Variants in ABCA4 observed in about 807,000 individuals in gnomAD.
ABCA4 encodes retinal-specific phospholipid-transporting ATPase ABCA4.
ABCA4 carries 196 observed loss-of-function variants against 263.7 expected under a neutral mutation model. The observed-to-expected ratio is 0.74, with a 90% CI of 0.66 to 0.84. ABCA4 has a LOEUF of 0.84. Among genes scored for constraint, ABCA4 ranks in the 40% least tolerant of loss-of-function variants. The pLI is 0.00. For synonymous variants in ABCA4, 1,133 were observed against 1,094.2 expected, an observed-to-expected ratio of 1.04 and a Z score of -0.70; for missense variants, 2,792 against 2,855.1, an observed-to-expected ratio of 0.98 and a Z score of 0.50.
chr1:94,098,477 G>A (rs1009492075), intron 6 of ABCA4, among the ~76,000 whole-genome samples: 1 of 152,194 alleles, frequency 6.6e-6, no homozygotes, highest in South Asian at 2.1e-4. Context: ...GAAATAGCAG[G>A]TCAGGGAGTC....
intron 19 of ABCA4, chr1:94,046,009 C>A (rs867558618): frequency 2.2e-6 from 1 of 451,978 alleles, no homozygotes; most frequent in Non-Finnish European, 4.5e-6. Flanking sequence ...CTGCCCTGAC[C>A]TTCTGTTACC....
Position 94,001,072 on chromosome 1 carries a change from G to A in ABCA4, c.6316C>T (p.Arg2106Cys), listed in dbSNP as rs61750648. Residue 2106 changes from arginine to cysteine, a missense_variant, in exon 46 of 50, where the codon CGC becomes TGC. By Grantham distance (180) the Arg-to-Cys change is radical (BLOSUM62 -3). Coordinates refer to ENST00000370225, the MANE Select transcript of ABCA4 (RefSeq NM_000350.3). ...ACGATGACGTTCCACAGCATGCGGC[G>A]TGCCTGGGGGTCCATCCCTGTGGTG... ...EPTTGMDPQA[R>C]RMLWNVIVSI... The A allele has an allele frequency of 9.9e-5, 159 of 1,614,108 alleles. No individual in the cohort carries two copies. Among genetic ancestry groups the A allele is most frequent in the African/African-American group, 7.7e-4 (58 of 75,042 alleles).
At chr1:94,078,747 A>T in intron 9 of ABCA4, 41 bp from the exon 10 acceptor site, 1 of 1,398,540 alleles carries the variant, frequency 7.2e-7, no homozygotes, top group Non-Finnish European at 1.0e-6. Context: ...ACGAACAGAG[A>T]GAAAAGTGAG....
At chr1:94,062,906 A>G (rs1041199415) in intron 12 of ABCA4, among the ~76,000 whole-genome samples, 153 bp from the exon 13 acceptor site, 2 of 152,136 alleles carry the variant, frequency 1.3e-5, no homozygotes, top group African/African-American at 4.8e-5. Flanking sequence ...CTCAGTTTAA[A>G]TCTCAGTTTT....
intron 6 of ABCA4, among the ~76,000 whole-genome samples, chr1:94,090,141 G>T (rs1254542721): frequency 6.6e-6 from 1 of 152,154 alleles, no homozygotes; most frequent in Non-Finnish European, 1.5e-5. Context: ...GCAGACATGG[G>T]AAAGATGTGC....
At chr1:94,063,914 C>T (rs1385356530) in intron 11 of ABCA4, among the ~76,000 whole-genome samples, 1 of 149,834 alleles carries the variant, frequency 6.7e-6, no homozygotes, top group Non-Finnish European at 1.5e-5. Context: ...CTATAATATG[C>T]CTCTTTTCTT....
chr1:94,047,306 G>C (rs1660712802), intron 18 of ABCA4, among the ~76,000 whole-genome samples: 1 of 152,204 alleles, frequency 6.6e-6, no homozygotes, highest in African/African-American at 2.4e-5. Flanking sequence ...TGCTTCGACT[G>C]CTTTACACAA....
chr1:94,028,571 C>A (rs948921876), intron 30 of ABCA4, among the ~76,000 whole-genome samples: 1 of 152,136 alleles, frequency 6.6e-6, no homozygotes. Context: ...ATGGTGAAAA[C>A]TAAAAAACCT....
At chr1:94,014,779 C>T (rs1431263203) in intron 37 of ABCA4, 89 bp from the exon 38 acceptor site, 1 of 1,538,968 alleles carries the variant, frequency 6.5e-7, no homozygotes, top group Non-Finnish European at 9.0e-7. Context: ...CCCCTTACAC[C>T]TGAGGTGATG....
chr1:94,070,853 C>T (rs908371212), intron 11 of ABCA4, among the ~76,000 whole-genome samples: 1 of 152,160 alleles, frequency 6.6e-6, no homozygotes, highest in African/African-American at 2.4e-5. Flanking sequence ...AAGGCCTTTA[C>T]CTTAACAGCA....
At chr1:94,016,998 T>A (rs1159170102) in intron 36 of ABCA4, among the ~76,000 whole-genome samples, 1 of 152,108 alleles carries the variant, frequency 6.6e-6, no homozygotes, top group Non-Finnish European at 1.5e-5. Context: ...AGAAGCCAGC[T>A]TCAACGGCCC....
chr1:94,037,291 CCA>C lies in ABCA4; in HGVS notation c.3665_3666del (p.Val1222GlyfsTer14), dbSNP rs755283743. Reference protein sequence around the residue: ...VLHHVPEAKLVECIGQELIFL... With the variant: ...VLHHVPEAKLXECIGQELIFL... ...AAGATAAGTTCTTGACCAATGCACT[CCA>C]CCAGCTTTGCCTCTGGAACATGGTG... On this transcript the variant is annotated frameshift_variant, in exon 25 of 50. Coordinates refer to ENST00000370225, the MANE Select transcript of ABCA4 (RefSeq NM_000350.3). LOFTEE classifies it high-confidence loss of function. The C allele has an allele frequency of 6.2e-7, 1 of 1,614,236 alleles. No homozygotes were observed. Among genetic ancestry groups the C allele is most frequent in the Admixed American group, 1.7e-5 (1 of 60,032 alleles).
chr1:94,078,555 C>A, intron 10 of ABCA4, 35 bp downstream of exon 10: 1 of 754,616 alleles, frequency 1.3e-6, no homozygotes, highest in East Asian at 3.4e-5. Context: ...CCGCTTCCTC[C>A]TCCCCTCCCC....
intron 11 of ABCA4, 119 bp downstream of exon 11, chr1:94,077,571 T>G (rs1367273991): frequency 1.5e-5 from 14 of 952,180 alleles, no homozygotes; most frequent in Non-Finnish European, 2.1e-5. Context: ...GGGATTCTTG[T>G]TTCTTCAGTG....
At chr1:94,017,945 T>C (rs1024653517) in intron 36 of ABCA4, among the ~76,000 whole-genome samples, 19 of 152,236 alleles carry the variant, frequency 1.2e-4, no homozygotes, top group Admixed American at 4.6e-4. Flanking sequence ...AATTGTTTGT[T>C]CCTTCATTCA....
At chr1:94,044,357 T>C (rs1660610964) in intron 20 of ABCA4, among the ~76,000 whole-genome samples, 1 of 152,204 alleles carries the variant, frequency 6.6e-6, no homozygotes, top group South Asian at 2.1e-4. Flanking sequence ...TCAGCTGCTC[T>C]GTCAGAGCGA....
Position 94,011,315 on chromosome 1 carries a change from C to T in ABCA4, c.5531G>A (p.Gly1844Asp), listed in dbSNP as rs1659540498. 1 of 1,614,082 alleles carries T rather than the reference C, an allele frequency of 6.2e-7. No homozygotes were observed. The highest frequency in any genetic ancestry group is 1.3e-5 in the African/African-American group (1 of 75,018). ...CTGGCTCAGTGCAAGGTCAATGAGG[C>T]CCCGGCCCAGGCAGAAGTGGGGGAA... ...IVFPHFCLGRGLIDLALSQAV... is the reference protein window; with the variant it reads ...IVFPHFCLGRDLIDLALSQAV... The change falls in exon 39 of 50, where the codon GGC (glycine) becomes GAC (aspartate). Residue 1844 changes from glycine (G) to aspartate (D), a missense_variant. Transcript: ENST00000370225.
rs182420631 is a variant in ABCA4, at chr1:94,119,771, A to G, written c.66+1209T>C. On this transcript the variant is annotated intron_variant, in intron 1 of 49. Coordinates refer to ENST00000370225, the MANE Select transcript of ABCA4 (RefSeq NM_000350.3). Reference sequence around the variant, plus strand: ...CTCTGTACTTAGCTAACACCTTTTCATATTAAACTCTAAGGAGACCCTAAC... The same window carrying G: ...CTCTGTACTTAGCTAACACCTTTTCGTATTAAACTCTAAGGAGACCCTAAC... Among the ~76,000 whole-genome samples, 25 of 152,234 alleles carry G rather than the reference A, an allele frequency of 1.6e-4. No homozygotes were observed. In the East Asian group the frequency reaches 4.8e-3, roughly 29 times the overall value.
In ABCA4 at chr1:94,077,547, G is replaced by A; in HGVS notation, c.1554+143C>T. 4 of 771,028 alleles carry A rather than the reference G, an allele frequency of 5.2e-6. No homozygotes were observed. The South Asian group carries it at 5.6e-5, about 11-fold the overall frequency. The allele number at this position is 771,028 out of a possible 1,614,324, so 47.8% of individuals were successfully genotyped here. On this transcript the variant is annotated intron_variant, in intron 11 of 49. Coordinates refer to ENST00000370225, the MANE Select transcript of ABCA4 (RefSeq NM_000350.3). ...GATAAGCTGTTAGAGAATGAGAACT[G>A]TACAGGGGATGTAGGGATTCTTGTT...
Sources: allele counts gnomAD v4.1 joint callset (sites outside exome capture counted in the v4.1 genomes callset), GRCh38; gene constraint gnomAD v4.1.1; transcripts MANE v1.5; gene names NCBI Gene and HGNC (gene_info 2026-07-23, HGNC 2026-07-21).